MINDY2: variants seen among roughly 807,000 people sequenced by gnomAD.
The protein encoded by MINDY2 is MINDY lysine 48 deubiquitinase 2, also known as ubiquitin carboxyl-terminal hydrolase MINDY-2.
Under a neutral mutation model 68.2 loss-of-function variants are expected in MINDY2, and 52 were observed. That is an observed-to-expected ratio of 0.76 (90% CI 0.61 to 0.96). The LOEUF (loss-of-function observed/expected upper bound fraction) is 0.96. Among genes scored for constraint, MINDY2 ranks in the 40% least tolerant of loss-of-function variants. The pLI, the probability that MINDY2 is intolerant of heterozygous loss-of-function variation, is 0.00. For missense variants in MINDY2, 881 were observed against 773.4 expected, an observed-to-expected ratio of 1.14 and a Z score of -1.65; for synonymous variants, 372 against 303.0, an observed-to-expected ratio of 1.23 and a Z score of -2.36.
chr15:58,772,068 G>A lies in MINDY2; in HGVS notation c.673G>A (p.Glu225Lys), dbSNP rs1250977836. The change falls in exon 1 of 9, where the codon GAG (glutamate) becomes AAG (lysine). Residue 225 changes from glutamate to lysine, a missense_variant. Glu to Lys is a moderately conservative substitution (Grantham distance 56). Coordinates refer to ENST00000559228, the MANE Select transcript of MINDY2 (RefSeq NM_001040450.3). ...TCTGTGCAAGGAGGAGGAGGGGGAG[G>A]AGACCGCTCAGGTGCTGGCGGCCTC... ...VPLCKEEEGEETAQVLAASKE... is the reference protein window; with the variant it reads ...VPLCKEEEGEKTAQVLAASKE... 3.1e-6 allele frequency: 5 copies of A among 1,612,146 alleles called. No homozygotes were observed. The East Asian group carries it at 6.7e-5, about 22-fold the overall frequency.
chr15:58,796,268 G>C (rs1377002397), intron 2 of MINDY2: 1 of 376,834 alleles, frequency 2.7e-6, no homozygotes, highest in African/African-American at 2.1e-5. Context: ...AAGGTTGTTT[G>C]AGGGTTAGTT....
chr15:58,794,976 A>G (rs1394478962), intron 2 of MINDY2, among the ~76,000 whole-genome samples: 1 of 151,192 alleles, frequency 6.6e-6, no homozygotes, highest in Non-Finnish European at 1.5e-5. Context: ...TCACGAGGTC[A>G]GGAGATCGAG....
At chr15:58,791,710 T>A (rs1901954410) in intron 2 of MINDY2, among the ~76,000 whole-genome samples, 1 of 151,644 alleles carries the variant, frequency 6.6e-6, no homozygotes, top group Non-Finnish European at 1.5e-5. Flanking sequence ...TAATTTTATA[T>A]AATATAAATT....
intron 2 of MINDY2, among the ~76,000 whole-genome samples, chr15:58,798,000 G>T (rs966085048): frequency 6.6e-6 from 1 of 152,190 alleles, no homozygotes; most frequent in Non-Finnish European, 1.5e-5. Context: ...CACCTTCTAT[G>T]ATTTAAAGTA....
At chr15:58,847,242 A>ATC in intron 6 of MINDY2, 55 bp from the exon 7 acceptor site, 1 of 1,351,976 alleles carries the variant, frequency 7.4e-7, no homozygotes, top group Non-Finnish European at 1.0e-6. Context: ...TAAATATTAT[A>ATC]TTACTAGTTT....
chr15:58,853,205 G>A (rs528195861), intron 8 of MINDY2, among the ~76,000 whole-genome samples: 8 of 151,492 alleles, frequency 5.3e-5, no homozygotes, highest in Admixed American at 1.3e-4. Flanking sequence ...CACCCACCTC[G>A]GCCTCCCAAA....
chr15:58,775,368 G>T (rs1488823315), intron 1 of MINDY2, among the ~76,000 whole-genome samples: 1 of 152,166 alleles, frequency 6.6e-6, no homozygotes, highest in African/African-American at 2.4e-5. Flanking sequence ...AGTAAATGGG[G>T]TGTGAAGGTG....
At chr15:58,776,319 C>T (rs566355592) in intron 1 of MINDY2, among the ~76,000 whole-genome samples, 98 of 152,200 alleles carry the variant, frequency 6.4e-4, no homozygotes, top group African/African-American at 2.2e-3. Context: ...TCTCCCCATT[C>T]CCTCTCCTCC....
chr15:58,814,305 A>G lies in MINDY2; in HGVS notation c.1122+3917A>G, dbSNP rs1227084131. Among the ~76,000 whole-genome samples, 4 of 152,000 alleles carry G rather than the reference A, an allele frequency of 2.6e-5. No homozygotes were observed. The East Asian group carries it at 5.8e-4, about 22-fold the overall frequency. ...TTTGATGTGCTTGTTTGCCATTTGCATATTCTTTTTAGTAAAATGTCTCTT... is the reference window on the plus strand; with the variant it reads ...TTTGATGTGCTTGTTTGCCATTTGCGTATTCTTTTTAGTAAAATGTCTCTT... On this transcript the variant is annotated intron_variant, in intron 4 of 8. Transcript: ENST00000559228.
At chr15:58,840,381 CCT>C (rs67590689) in intron 6 of MINDY2, among the ~76,000 whole-genome samples, 3,490 of 152,138 alleles carry the variant, frequency 0.023, 44 homozygotes, top group Middle Eastern at 0.044. Flanking sequence ...TGGAAAAATA[CCT>C]CTGTGTTTCT....
chr15:58,835,192 T>A (rs1475098251), intron 6 of MINDY2, among the ~76,000 whole-genome samples: 1 of 151,810 alleles, frequency 6.6e-6, no homozygotes, highest in Non-Finnish European at 1.5e-5. Context: ...AGATATTAAA[T>A]AATTACACAA....
chr15:58,805,485 A>G (rs1378715077), intron 3 of MINDY2, among the ~76,000 whole-genome samples: 2 of 152,224 alleles, frequency 1.3e-5, no homozygotes, highest in African/African-American at 4.8e-5. Context: ...GTGTGTATTC[A>G]TAACAAATTT....
intron 8 of MINDY2, among the ~76,000 whole-genome samples, chr15:58,852,305 AG>A (rs2032860270): frequency 6.7e-6 from 1 of 150,280 alleles, no homozygotes; most frequent in Non-Finnish European, 1.5e-5. Flanking sequence ...AAAAAAAAAA[AG>A]ATGATCACTT....
At chr15:58,828,625 G>A (rs1301590746) in intron 5 of MINDY2, among the ~76,000 whole-genome samples, 3 of 139,774 alleles carry the variant, frequency 2.1e-5, no homozygotes, top group South Asian at 2.2e-4. Context: ...GCAGTGGTGC[G>A]ATCTCGGCTC....
chr15:58,831,678 CT>C, intron 5 of MINDY2, 95 bp from the exon 6 acceptor site: 10 of 1,120,572 alleles, frequency 8.9e-6, no homozygotes, highest in Non-Finnish European at 1.0e-5. Context: ...AATTATTGGC[CT>C]TTTTCCATAC....
intron 7 of MINDY2, among the ~76,000 whole-genome samples, chr15:58,850,565 T>TA (rs1321562155): frequency 6.6e-6 from 1 of 152,206 alleles, no homozygotes; most frequent in African/African-American, 2.4e-5. Context: ...GGGAACTTTT[T>TA]AAAAAATTCT....
chr15:58,804,141 AGAAAG>A (rs1473323141), intron 3 of MINDY2, among the ~76,000 whole-genome samples: 2 of 151,838 alleles, frequency 1.3e-5, no homozygotes, highest in Non-Finnish European at 2.9e-5. Flanking sequence ...GAGAAGGAAA[AGAAAG>A]GAAATCTGTA....
rs760560185 is a variant in MINDY2 at position 58,810,219 on chromosome 15, T to G, written c.964-11T>G. 2 of 1,590,552 alleles carry G rather than the reference T, an allele frequency of 1.3e-6. No homozygotes were observed. Among genetic ancestry groups the G allele is most frequent in the South Asian group, 2.3e-5 (2 of 86,554 alleles). ...TTTCTGAATTAGAACTTTCCCCTTT[T>G]CTATTTTCAGAATATGAGTGATGCC... On this transcript the variant is annotated splice_polypyrimidine_tract_variant and intron_variant, in intron 3 of 8. Coordinates refer to ENST00000559228, the MANE Select transcript of MINDY2 (RefSeq NM_001040450.3).
chr15:58,852,972 A>ATTTTTTTTTTTTTTTTTTTTTTT lies in MINDY2; in HGVS notation c.1737+1007_1737+1008insTTTTTTTTTTTTTTTTTTTTTTT, dbSNP rs1567079858. Among the ~76,000 whole-genome samples the ATTTTTTTTTTTTTTTTTTTTTTT allele has an allele frequency of 8.7e-4, 15 of 17,240 alleles. 6 individuals carry two copies. The highest frequency in any genetic ancestry group is 1.9e-3 in the Admixed American group (2 of 1,030). 11.3% of individuals were successfully genotyped at this position (17,240 alleles called of 152,430 possible). A position where few individuals can be genotyped will look rare whatever the true frequency, so the allele number is the denominator to read the frequency against. On this transcript the variant is annotated intron_variant, in intron 8 of 8. Transcript: ENST00000559228. ...TTTTTTTTTTTTTTTTTTTTTTTTAAGACAGAGTCTCACTCTGTTGCCCAG... is the reference window on the plus strand; with the variant it reads ...TTTTTTTTTTTTTTTTTTTTTTTTAATTTTTTTTTTTTTTTTTTTTTTTGACAGAGTCTCACTCTGTTGCCCAG...
Sources: gnomAD v4.1 joint callset for allele counts (sites outside exome capture counted in the v4.1 genomes callset) on GRCh38, gnomAD v4.1.1 for gene constraint, MANE v1.5 for transcripts, NCBI Gene and HGNC (gene_info 2026-07-23, HGNC 2026-07-21) for gene names.